ITPR2: variants seen among roughly 807,000 people sequenced by gnomAD.
ITPR2 encodes inositol 1,4,5-trisphosphate-gated calcium channel ITPR2.
Under a neutral mutation model 317.1 loss-of-function variants are expected in ITPR2, and 207 were observed. The observed-to-expected ratio is 0.65, with a 90% CI of 0.58 to 0.73. ITPR2 has a LOEUF of 0.73. ITPR2 is among the 30% of genes least tolerant of loss of function. The pLI is 0.00. For missense variants in ITPR2, 2,613 were observed against 3,284.0 expected, an observed-to-expected ratio of 0.80 and a Z score of 4.99; for synonymous variants, 1,156 against 1,149.1, an observed-to-expected ratio of 1.01 and a Z score of -0.12.
At chr12:26,420,999 T>C (rs1041154668) in intron 49 of ITPR2, among the ~76,000 whole-genome samples, 10 of 151,932 alleles carry the variant, frequency 6.6e-5, no homozygotes, top group African/African-American at 2.4e-4. Flanking sequence ...ATAATTGGAG[T>C]CGTGAGTTTT....
At chr12:26,518,326 T>C (rs1223021983) in intron 37 of ITPR2, among the ~76,000 whole-genome samples, 1 of 152,066 alleles carries the variant, frequency 6.6e-6, no homozygotes, top group Non-Finnish European at 1.5e-5. Flanking sequence ...ATTGAGTACA[T>C]ATGAACACAA....
At chr12:26,811,452 A>G (rs553114995) in intron 1 of ITPR2, among the ~76,000 whole-genome samples, 4 of 151,576 alleles carry the variant, frequency 2.6e-5, no homozygotes, top group East Asian at 3.9e-4. Flanking sequence ...CTACTAAAAA[A>G]TACAAAAAAT....
intron 53 of ITPR2, among the ~76,000 whole-genome samples, chr12:26,399,482 C>G (rs1421872345): frequency 1.3e-5 from 2 of 152,170 alleles, no homozygotes; most frequent in Non-Finnish European, 2.9e-5. Flanking sequence ...GTATATATAG[C>G]TCCTTCTTAT....
chr12:26,609,406 A>G (rs1946213000), intron 26 of ITPR2, among the ~76,000 whole-genome samples: 1 of 152,184 alleles, frequency 6.6e-6, no homozygotes, highest in South Asian at 2.1e-4. Flanking sequence ...CAAGAGTTCA[A>G]GACCAGCCTG....
At chr12:26,406,032 G>A (rs1940338349) in intron 52 of ITPR2, among the ~76,000 whole-genome samples, 1 of 152,054 alleles carries the variant, frequency 6.6e-6, no homozygotes, top group Admixed American at 6.6e-5. Flanking sequence ...TTCATTGGTG[G>A]AAATGCTGAT....
intron 54 of ITPR2, 51 bp downstream of exon 54, chr12:26,398,825 T>C (rs749617306): frequency 2.7e-6 from 4 of 1,483,244 alleles, no homozygotes; most frequent in Non-Finnish European, 3.7e-6. Context: ...AGCCCCTCTT[T>C]CCTGCAAACA....
chr12:26,490,221 T>G (rs1225625409), intron 39 of ITPR2, among the ~76,000 whole-genome samples: 1 of 152,148 alleles, frequency 6.6e-6, no homozygotes, highest in Non-Finnish European at 1.5e-5. Flanking sequence ...TAATACAAAT[T>G]ACAACCAAAC....
chr12:26,738,981 A>C (rs1019286149), intron 2 of ITPR2, among the ~76,000 whole-genome samples: 2 of 152,238 alleles, frequency 1.3e-5, no homozygotes, highest in Non-Finnish European at 2.9e-5. Flanking sequence ...CAACTCAATA[A>C]AAGAAGACAT....
At chr12:26,707,776 C>T (rs1260492338) in intron 9 of ITPR2, among the ~76,000 whole-genome samples, 1 of 152,096 alleles carries the variant, frequency 6.6e-6, no homozygotes, top group Admixed American at 6.6e-5. Context: ...GTGATCCACC[C>T]GCCTCAGCCT....
chr12:26,486,990 A>G lies in ITPR2; in HGVS notation c.5554+78T>C, dbSNP rs985074426. 12 of 1,358,448 alleles carry G rather than the reference A, an allele frequency of 8.8e-6. No homozygotes were observed. The African/African-American group carries it at 1.6e-4, about 18-fold the overall frequency. 84.1% of individuals were successfully genotyped at this position (1,358,448 alleles called of 1,614,324 possible). On this transcript the variant is annotated intron_variant, in intron 40 of 56. Coordinates refer to ENST00000381340, the MANE Select transcript of ITPR2 (RefSeq NM_002223.4). Reference sequence around the variant, plus strand: ...AATTAAACCAAGAGAAGAGAGACGAAAAATGTTAATGAGATTTAAACGCTA... The same window carrying G: ...AATTAAACCAAGAGAAGAGAGACGAGAAATGTTAATGAGATTTAAACGCTA...
rs150905703 is a variant in ITPR2 at position 26,815,150 on chromosome 12, C to T, written c.92+17540G>A. On this transcript the variant is annotated intron_variant, in intron 1 of 56. Transcript: ENST00000381340. ...GGTCAGGAGTTTGAGACCATCCTGGCCAACATGGTGAAACCTCATCTCCAC... is the reference window on the plus strand; with the variant it reads ...GGTCAGGAGTTTGAGACCATCCTGGTCAACATGGTGAAACCTCATCTCCAC... 6.6e-4 allele frequency among the ~76,000 whole-genome samples: 101 copies of T among 152,236 alleles called. No individual in the cohort carries two copies. In the East Asian group the frequency reaches 0.019, roughly 28 times the overall value.
intron 2 of ITPR2, among the ~76,000 whole-genome samples, chr12:26,782,060 A>C (rs1592124278): frequency 1.4e-5 from 2 of 141,910 alleles, no homozygotes; most frequent in African/African-American, 5.3e-5. Flanking sequence ...AGAGAGAGAG[A>C]GAGAGAGAGA....
At chr12:26,743,166 G>A (rs968830409) in intron 2 of ITPR2, among the ~76,000 whole-genome samples, 3 of 152,150 alleles carry the variant, frequency 2.0e-5, no homozygotes, top group African/African-American at 4.8e-5. Context: ...ATAAAAACCA[G>A]TTAAAGAAAT....
chr12:26,573,738 C>T (rs1022795240), intron 34 of ITPR2, among the ~76,000 whole-genome samples: 2 of 152,134 alleles, frequency 1.3e-5, no homozygotes, highest in African/African-American at 4.8e-5. Flanking sequence ...ATGCCTGAAG[C>T]AGATGAGACT....
chr12:26,553,143 G>T (rs1182760823), intron 36 of ITPR2, among the ~76,000 whole-genome samples: 2 of 152,132 alleles, frequency 1.3e-5, no homozygotes, highest in East Asian at 3.9e-4. Context: ...TAAATTAGCT[G>T]GTTGCGTCTA....
intron 37 of ITPR2, among the ~76,000 whole-genome samples, chr12:26,516,724 G>A (rs193295683): frequency 3.0e-4 from 45 of 152,216 alleles, no homozygotes; most frequent in Non-Finnish European, 5.6e-4. Context: ...GAAAAAATAG[G>A]AGATGAACAT....
chr12:26,754,133 A>T (rs1007564295), intron 2 of ITPR2, among the ~76,000 whole-genome samples: 1 of 152,246 alleles, frequency 6.6e-6, no homozygotes, highest in Non-Finnish European at 1.5e-5. Flanking sequence ...AGTTCACGTG[A>T]TTTAAATAAT....
chr12:26,413,123 TTCTC>T (rs1940603452), intron 51 of ITPR2, among the ~76,000 whole-genome samples: 1 of 152,198 alleles, frequency 6.6e-6, no homozygotes, highest in Non-Finnish European at 1.5e-5. Context: ...CAACAGATCC[TTCTC>T]TCTAAGTTCA....
Position 26,411,333 on chromosome 12 carries a change from T to C in ITPR2, c.7386A>G (p.Pro2462=). The C allele has an allele frequency of 6.2e-7, 1 of 1,612,954 alleles. No homozygotes were observed. The highest frequency in any genetic ancestry group is 8.5e-7 in the Non-Finnish European group (1 of 1,179,064). The change falls in exon 52 of 57, where the codon CCA becomes CCG. Residue 2462 remains proline (P), a synonymous_variant. Coordinates refer to ENST00000381340, the MANE Select transcript of ITPR2 (RefSeq NM_002223.4). The part of the protein sequence containing the change: ...CAKENCSPTI[P]ASNTADEEYE... ...CTTTCTACAAACCTGTATTTGAAGCTGGAATTGTGGGTGAACAGTTCTCCT... is the reference window on the plus strand; with the variant it reads ...CTTTCTACAAACCTGTATTTGAAGCCGGAATTGTGGGTGAACAGTTCTCCT...
Sources: gnomAD v4.1 joint callset for allele counts (sites outside exome capture counted in the v4.1 genomes callset) on GRCh38, gnomAD v4.1.1 for gene constraint, MANE v1.5 for transcripts, NCBI Gene and HGNC (gene_info 2026-07-23, HGNC 2026-07-21) for gene names.